Variants in FSTL1 observed in about 807,000 individuals in gnomAD.
FSTL1 encodes follistatin-related protein 1.
A neutral mutation model predicts 45.9 loss-of-function variants in FSTL1; 24 were observed. The ratio of observed to expected loss-of-function variants is 0.52; its 90% CI spans 0.38 to 0.74. FSTL1 has a LOEUF of 0.74. Ranked by LOEUF, FSTL1 falls within the 30% of genes least tolerant of loss-of-function variation. The pLI, the probability that FSTL1 is intolerant of heterozygous loss-of-function variation, is 0.00. For synonymous variants in FSTL1, 120 were observed against 137.6 expected (o/e 0.87, Z 0.89); for missense variants, 340 against 381.8 (o/e 0.89, Z 0.91).
In FSTL1 at chr3:120,444,796, G is replaced by A. The variant is rs148622585; in HGVS notation, c.63+5888C>T. On this transcript the variant is annotated intron_variant, in intron 2 of 10. Coordinates refer to ENST00000295633, the MANE Select transcript of FSTL1 (RefSeq NM_007085.5). ...ATAATTTCTAACACATTTGTTTGTT[G>A]TACTTTTCTATAAATTTTTACAGTC... Among the ~76,000 whole-genome samples the A allele has an allele frequency of 3.6e-4, 54 of 149,922 alleles. 4 individuals are homozygous for A. The highest frequency in any genetic ancestry group is 9.2e-4 in the Admixed American group (14 of 15,224).
At chr3:120,444,543 C>T (rs1937695949) in intron 2 of FSTL1, among the ~76,000 whole-genome samples, 1 of 149,852 alleles carries the variant, frequency 6.7e-6, no homozygotes, top group Non-Finnish European at 1.5e-5. Context: ...AGTCCTGCCC[C>T]TTGGATATTT....
intron 2 of FSTL1, among the ~76,000 whole-genome samples, chr3:120,424,785 T>C (rs1576220302): frequency 6.7e-6 from 1 of 149,870 alleles, no homozygotes; most frequent in Admixed American, 6.6e-5. Flanking sequence ...GCCTGGAGGG[T>C]TGGTTGTGTG....
At chr3:120,412,091 C>T in intron 3 of FSTL1, 108 bp from the exon 4 acceptor site, 1 of 1,034,464 alleles carries the variant, frequency 9.7e-7, no homozygotes, top group Non-Finnish European at 1.4e-6. Context: ...TGTAAGGGGA[C>T]TCTCCACCAC....
Position 120,393,368 on chromosome 3 carries a change from G to A in FSTL1, c.*3584C>T, listed in dbSNP as rs1482492563. Reference sequence around the variant, plus strand: ...GAATTATTGTGGGTGGAGAGTGCATGATACATATGAAAATGGCAGGTTGGA... The same window carrying A: ...GAATTATTGTGGGTGGAGAGTGCATAATACATATGAAAATGGCAGGTTGGA... On this transcript the variant is annotated 3_prime_UTR_variant, in exon 11 of 11. Transcript: ENST00000295633. 1 of 152,142 alleles carries A rather than the reference G, an allele frequency of 6.6e-6. No individual in the cohort carries two copies. 9.4% of individuals were successfully genotyped at this position (152,142 alleles called of 1,614,324 possible).
intron 9 of FSTL1, among the ~76,000 whole-genome samples, chr3:120,401,478 T>TA (rs1171671324): frequency 6.6e-6 from 1 of 152,224 alleles, no homozygotes; most frequent in Non-Finnish European, 1.5e-5. Context: ...AGCCTCATCC[T>TA]GGGTTTCTGA....
At chr3:120,434,812 T>G (rs1020464953) in intron 2 of FSTL1, among the ~76,000 whole-genome samples, 6 of 152,342 alleles carry the variant, frequency 3.9e-5, no homozygotes, top group Middle Eastern at 6.8e-3. Context: ...ACTTACCTTG[T>G]GGGAGGCACC....
chr3:120,419,323 C>G (rs976968255), intron 2 of FSTL1: 3 of 152,202 alleles, frequency 2.0e-5, no homozygotes, highest in Admixed American at 1.3e-4. Context: ...ATGCAGAAAT[C>G]AACAATGAAG....
chr3:120,431,104 T>A (rs1223153333), intron 2 of FSTL1, among the ~76,000 whole-genome samples: 2 of 152,142 alleles, frequency 1.3e-5, no homozygotes, highest in African/African-American at 4.8e-5. Context: ...GCTGAGTACC[T>A]GGGATTATAG....
chr3:120,413,605 G>A (rs1937113515), intron 3 of FSTL1, among the ~76,000 whole-genome samples: 1 of 151,870 alleles, frequency 6.6e-6, no homozygotes, highest in South Asian at 2.1e-4. Context: ...GGACTAAATT[G>A]GTTGTATTTA....
At chr3:120,442,949 G>A (rs371159865) in intron 2 of FSTL1, among the ~76,000 whole-genome samples, 1 of 115,020 alleles carries the variant, frequency 8.7e-6, no homozygotes, top group East Asian at 2.8e-4. Context: ...GTTGTGGGGT[G>A]GGGGGAGGGG....
chr3:120,412,817 TGTGCGC>T (rs377515954), intron 3 of FSTL1, among the ~76,000 whole-genome samples: 1,636 of 87,568 alleles, frequency 0.019, 20 homozygotes, highest in South Asian at 0.023. Flanking sequence ...CACACACACA[TGTGCGC>T]GCGCGCGCGC....
At chr3:120,403,987 AAAC>A (rs1936897205) in intron 7 of FSTL1, among the ~76,000 whole-genome samples, 3 of 136,490 alleles carry the variant, frequency 2.2e-5, no homozygotes, top group Non-Finnish European at 4.7e-5. Flanking sequence ...AAAAAACAAA[AAAC>A]AAAACAAACA....
intron 2 of FSTL1, among the ~76,000 whole-genome samples, chr3:120,447,063 C>G (rs1275500474): frequency 6.6e-6 from 1 of 152,096 alleles, no homozygotes. Context: ...GGGTACTTGC[C>G]AGGGCTGTCT....
intron 2 of FSTL1, among the ~76,000 whole-genome samples, chr3:120,430,470 A>C (rs1937457307): frequency 6.6e-6 from 1 of 152,214 alleles, no homozygotes; most frequent in South Asian, 2.1e-4. Flanking sequence ...ACCTGTAAGC[A>C]TCAATTTTAA....
At chr3:120,416,787 T>A (rs370288937) in intron 2 of FSTL1, among the ~76,000 whole-genome samples, 87 of 152,266 alleles carry the variant, frequency 5.7e-4, no homozygotes, top group African/African-American at 2.0e-3. Flanking sequence ...GTAGAACTAT[T>A]CTCAAATCAT....
At chr3:120,410,314 C>T (rs938454316) in intron 5 of FSTL1, 1 of 171,900 alleles carries the variant, frequency 5.8e-6, no homozygotes, top group African/African-American at 2.4e-5. Flanking sequence ...GAAGACAACA[C>T]ATGCTGTGGG....
intron 10 of FSTL1, 32 bp from the exon 11 acceptor site, chr3:120,397,028 G>A (rs539618721): frequency 6.5e-7 from 1 of 1,548,006 alleles, no homozygotes; most frequent in South Asian, 1.1e-5. Flanking sequence ...AGGCGTCATG[G>A]AAATATTAAA....
Position 120,399,886 on chromosome 3 carries a change from A to T in FSTL1, c.879T>A (p.His293Gln), listed in dbSNP as rs780033290. 1 of 1,600,874 alleles carries T rather than the reference A, an allele frequency of 6.2e-7. No homozygotes were observed. The highest frequency in any genetic ancestry group is 8.5e-7 in the Non-Finnish European group (1 of 1,171,900). ...CAGCACGGAGGCTGCCACTCACCTG[A>T]TGCTTTTGGAGCTCCTGGACATATC... is the stretch of plus-strand genomic sequence containing the variant. ...MTRYVQELQK[H>Q]QETAEKTKRV... Residue 293 changes from histidine to glutamine, a missense_variant, in exon 10 of 11, where the codon CAT (histidine) becomes CAA (glutamine). Transcript: ENST00000295633.
At chr3:120,422,408 A>T (rs1290596531) in intron 2 of FSTL1, among the ~76,000 whole-genome samples, 1 of 152,220 alleles carries the variant, frequency 6.6e-6, no homozygotes, top group Non-Finnish European at 1.5e-5. Flanking sequence ...ATTATGGTGA[A>T]CATTTCACCA....
Sources: allele counts gnomAD v4.1 joint callset (sites outside exome capture counted in the v4.1 genomes callset), GRCh38; gene constraint gnomAD v4.1.1; transcripts MANE v1.5; gene names NCBI Gene and HGNC (gene_info 2026-07-23, HGNC 2026-07-21).